Variants in GATAD2A observed in about 807,000 individuals in gnomAD.
GATAD2A encodes the protein GATA zinc finger domain containing 2A.
GATAD2A carries 12 observed loss-of-function variants against 68.5 expected under a neutral mutation model. That is an observed-to-expected ratio of 0.18 (90% CI 0.11 to 0.28). The LOEUF (loss-of-function observed/expected upper bound fraction) is 0.28. GATAD2A is among the 10% of genes least tolerant of loss of function. The pLI is 1.00. For synonymous variants in GATAD2A, 410 were observed against 375.3 expected (o/e 1.09, Z -1.07); for missense variants, 755 against 868.5 (o/e 0.87, Z 1.64).
chr19:19,429,205 A>G lies in GATAD2A; in HGVS notation c.-7+23186A>G, dbSNP rs563251430. 5 of 985,258 alleles carry G rather than the reference A, an allele frequency of 5.1e-6. No individual in the cohort carries two copies. The African/African-American group carries it at 7.0e-5, about 14-fold the overall frequency. 61.0% of individuals were successfully genotyped at this position (985,258 alleles called of 1,614,324 possible). On this transcript the variant is annotated intron_variant, in intron 1 of 11. Coordinates refer to ENST00000683918, the MANE Select transcript of GATAD2A (RefSeq NM_001384528.1). The stretch of plus-strand genomic sequence containing the variant: ...GGAAGTGGGATGCTCGATTTCAAGT[A>G]GCAAGTTTCAGCAAAAAGTTCCAGC...
At chr19:19,414,864 TC>T (rs1393070557) in intron 1 of GATAD2A, among the ~76,000 whole-genome samples, 1 of 125,862 alleles carries the variant, frequency 7.9e-6, no homozygotes, top group East Asian at 2.2e-4. Context: ...TTTTTTTGAG[TC>T]CTGAGGTCAT....
chr19:19,435,548 C>G (rs1379487779), intron 1 of GATAD2A, among the ~76,000 whole-genome samples: 5 of 152,178 alleles, frequency 3.3e-5, no homozygotes, highest in African/African-American at 9.6e-5. Flanking sequence ...AATGTCATTA[C>G]TATTATAATA....
intron 1 of GATAD2A, among the ~76,000 whole-genome samples, chr19:19,464,394 G>C (rs1024582017): frequency 6.6e-6 from 1 of 152,162 alleles, no homozygotes; most frequent in Non-Finnish European, 1.5e-5. Flanking sequence ...TTGGGACGTC[G>C]AGGCCGGGAT....
At chr19:19,500,991 C>G in intron 8 of GATAD2A, 127 bp from the exon 9 acceptor site, 1 of 815,178 alleles carries the variant, frequency 1.2e-6, no homozygotes, top group South Asian at 1.7e-5. Flanking sequence ...GTCATTGGTG[C>G]CCAGTAGGCA....
rs536973069 is a variant in GATAD2A, at chr19:19,479,067, C to T, written c.270-13239C>T. The stretch of plus-strand genomic sequence containing the variant: ...GAGAAGAGGTTGGAGAGTGGAGGAG[C>T]GTTTCCATAGGCTTTTTGGATCATT... On this transcript the variant is annotated intron_variant, in intron 2 of 11. Transcript: ENST00000683918. 6.6e-5 allele frequency among the ~76,000 whole-genome samples: 10 copies of T among 152,154 alleles called. No homozygotes were observed. The East Asian group carries it at 1.2e-3, about 18-fold the overall frequency.
chr19:19,430,405 C>CTG (rs1024955054), intron 1 of GATAD2A, among the ~76,000 whole-genome samples: 29 of 152,162 alleles, frequency 1.9e-4, no homozygotes, highest in African/African-American at 7.0e-4. Context: ...CTGGGTGACC[C>CTG]TGTGAAGGGG....
intron 1 of GATAD2A, among the ~76,000 whole-genome samples, chr19:19,427,176 A>G (rs2053197988): frequency 6.6e-6 from 1 of 152,126 alleles, no homozygotes; most frequent in African/African-American, 2.4e-5. Context: ...ATAGAGTTTC[A>G]GCTGGGGAAG....
At chr19:19,485,180 C>A (rs1353307075) in intron 2 of GATAD2A, among the ~76,000 whole-genome samples, 3 of 152,206 alleles carry the variant, frequency 2.0e-5, no homozygotes, top group Admixed American at 6.5e-5. Context: ...CCTTCTCTTT[C>A]CCTGCTTTGT....
intron 1 of GATAD2A, among the ~76,000 whole-genome samples, chr19:19,432,368 T>G (rs569996718): frequency 1.8e-4 from 27 of 151,974 alleles, no homozygotes; most frequent in Non-Finnish European, 2.5e-4. Context: ...GTGGCTCAAT[T>G]TCAGCTCACT....
intron 2 of GATAD2A, among the ~76,000 whole-genome samples, chr19:19,481,595 G>T (rs1230972087): frequency 6.6e-6 from 1 of 152,220 alleles, no homozygotes; most frequent in East Asian, 1.9e-4. Flanking sequence ...CAAAGCGCTG[G>T]GATTGCAGGC....
intron 7 of GATAD2A, among the ~76,000 whole-genome samples, chr19:19,497,751 C>A (rs1031852753): frequency 2.6e-5 from 4 of 152,110 alleles, no homozygotes; most frequent in Non-Finnish European, 5.9e-5. Flanking sequence ...GGTCCTCAGC[C>A]CCTAAAAGCA....
intron 2 of GATAD2A, among the ~76,000 whole-genome samples, chr19:19,479,708 G>T (rs760693325): frequency 6.6e-6 from 1 of 152,088 alleles, no homozygotes; most frequent in Non-Finnish European, 1.5e-5. Context: ...TTGAATGAAC[G>T]ATCGTTTTGG....
At position 19,476,609 on chromosome 19, in the gene GATAD2A, T is replaced by C. The variant is rs142432437; in HGVS notation, c.269+10995T>C. ...TGGAGGCTACGGGGCGGCTTCTGAG[T>C]GCTCCTTAGGCCGAGAGCCAGTCCT... On this transcript the variant is annotated intron_variant, in intron 2 of 11. Coordinates refer to ENST00000683918, the MANE Select transcript of GATAD2A (RefSeq NM_001384528.1). Among the ~76,000 whole-genome samples, 38 of 152,326 alleles carry C rather than the reference T, an allele frequency of 2.5e-4. No individual in the cohort carries two copies. The East Asian group carries it at 6.7e-3, about 27-fold the overall frequency.
chr19:19,480,872 G>A (rs1416108124), intron 2 of GATAD2A, among the ~76,000 whole-genome samples: 1 of 152,212 alleles, frequency 6.6e-6, no homozygotes, highest in Non-Finnish European at 1.5e-5. Flanking sequence ...AGCCACTTGT[G>A]ATGCAGATGT....
intron 2 of GATAD2A, chr19:19,474,107 G>A (rs2058505909): frequency 1.0e-6 from 1 of 985,204 alleles, no homozygotes. Flanking sequence ...AATGGGGCCA[G>A]CTGGAAAAAA....
chr19:19,406,389 C>CGGGGCGGGGGTCCCGCTCA (rs932553349), intron 1 of GATAD2A, among the ~76,000 whole-genome samples: 36 of 121,836 alleles, frequency 3.0e-4, no homozygotes, highest in Non-Finnish European at 3.7e-4. Context: ...CGTGGGCGCG[C>CGGGGCGGGGGTCCCGCTCA]GGGGCGGGGG....
chr19:19,478,803 C>A (rs1230161933), intron 2 of GATAD2A, among the ~76,000 whole-genome samples: 1 of 147,262 alleles, frequency 6.8e-6, no homozygotes, highest in Non-Finnish European at 1.5e-5. Flanking sequence ...TGAGTTGAGA[C>A]CTTGTCTCAA....
chr19:19,473,006 G>A (rs947418259), intron 2 of GATAD2A, among the ~76,000 whole-genome samples: 5 of 152,208 alleles, frequency 3.3e-5, no homozygotes, highest in Non-Finnish European at 7.3e-5. Flanking sequence ...TGCCATTGCC[G>A]ATGTGGCTCA....
chr19:19,461,605 C>T lies in GATAD2A; in HGVS notation c.-6-3735C>T, dbSNP rs75834369. Among the ~76,000 whole-genome samples the T allele has an allele frequency of 1.4e-3, 218 of 152,368 alleles. 1 individual carries two copies. The highest frequency in any genetic ancestry group is 5.2e-3 in the African/African-American group (215 of 41,590). On this transcript the variant is annotated intron_variant, in intron 1 of 11. Coordinates refer to ENST00000683918, the MANE Select transcript of GATAD2A (RefSeq NM_001384528.1). ...GCTCCCGGTCAGAGCTGCGCTGTAC[C>T]TGTGTGGGGTCTCTAGTGTGGCTGG...
Sources: gnomAD v4.1 joint callset for allele counts (sites outside exome capture counted in the v4.1 genomes callset) on GRCh38, gnomAD v4.1.1 for gene constraint, MANE v1.5 for transcripts, NCBI Gene and HGNC (gene_info 2026-07-23, HGNC 2026-07-21) for gene names.